The following CA5B variants were observed in gnomAD, a reference collection of about 807,000 sequenced individuals.
CA5B encodes the protein carbonic anhydrase 5B, also known as carbonic anhydrase 5B, mitochondrial.
Under a neutral mutation model 23.1 loss-of-function variants are expected in CA5B, and 15 were observed. That is an observed-to-expected ratio of 0.65 (90% confidence interval 0.43 to 1.00). The LOEUF (loss-of-function observed/expected upper bound fraction) is 1.00, where lower values mean the gene tolerates loss of function less well. Ranked by LOEUF, CA5B falls within the 50% of genes least tolerant of loss-of-function variation. CA5B has a pLI of 0.00. For synonymous variants in CA5B, 84 were observed against 98.5 expected, an observed-to-expected ratio of 0.85 and a Z score of 0.87; for missense variants, 236 against 252.2, an observed-to-expected ratio of 0.94 and a Z score of 0.43.
In CA5B at chrX:15,783,368, G is replaced by A. The variant is rs950317482; in HGVS notation, c.*704G>A. 8 of 112,417 alleles carry A rather than the reference G, an allele frequency of 7.1e-5. No homozygotes were observed. The highest frequency in any genetic ancestry group is 2.6e-4 in the African/African-American group (8 of 30,942). 9.3% of individuals were successfully genotyped at this position (112,417 alleles called of 1,213,427 possible). ...TGCTTACTTACTATCAGTTTATGAT[G>A]TAGAAAATATATTTTGTAATTATAA... On this transcript the variant is annotated 3_prime_UTR_variant, in exon 8 of 8. Coordinates refer to ENST00000318636, the MANE Select transcript of CA5B (RefSeq NM_007220.4).
chrX:15,750,017 G>C lies in CA5B; in HGVS notation c.-7G>C. 8.3e-7 allele frequency: 1 copy of C among 1,208,649 alleles called. No homozygotes were observed. Among genetic ancestry groups the C allele is most frequent in the Non-Finnish European group, 1.1e-6 (1 of 893,984 alleles). On this transcript the variant is annotated 5_prime_UTR_variant, in exon 2 of 8. Coordinates refer to ENST00000318636, the MANE Select transcript of CA5B (RefSeq NM_007220.4). Reference sequence around the variant, plus strand: ...AACTGGGAACTGATCAAGATTTCAAGCTAAAGATGGTGGTGATGAACAGCC... The same window carrying C: ...AACTGGGAACTGATCAAGATTTCAACCTAAAGATGGTGGTGATGAACAGCC...
At chrX:15,752,680 G>C (rs924214987) in intron 2 of CA5B, among the ~76,000 whole-genome samples, 21 of 109,481 alleles carry the variant, frequency 1.9e-4, no homozygotes, top group East Asian at 2.9e-4. Context: ...AGCCGAGATC[G>C]CGCCACTGCA....
intron 2 of CA5B, among the ~76,000 whole-genome samples, chrX:15,756,555 T>C (rs1432461519): frequency 8.9e-6 from 1 of 112,270 alleles, no homozygotes; most frequent in Non-Finnish European, 1.9e-5. Flanking sequence ...GAGATAAGAC[T>C]TGAACTGGAA....
rs1931877061 is a variant in CA5B, at chrX:15,774,306, A to G, written c.464A>G (p.His155Arg). 1 of 1,209,247 alleles carries G rather than the reference A, an allele frequency of 8.3e-7. No individual in the cohort carries two copies. The highest frequency in any genetic ancestry group is 1.1e-6 in the Non-Finnish European group (1 of 894,449). The change falls in exon 5 of 8, where the codon CAC (histidine) becomes CGC (arginine). Residue 155 changes from histidine to arginine, a missense_variant. Transcript: ENST00000318636. Reference sequence around the variant, plus strand: ...CCTCTTTTCATGGTGTTTCAGCTGCACTTAGTGCATTGGAACGCAGTCAGA... The same window carrying G: ...CCTCTTTTCATGGTGTTTCAGCTGCGCTTAGTGCATTGGAACGCAGTCAGA... The part of the protein sequence containing the change: ...VDSKCFPAEL[H>R]LVHWNAVRFE...
rs180986616 is a variant in CA5B, at chrX:15,743,378, C to T, written c.-54+5026C>T. Among the ~76,000 whole-genome samples, 11 of 112,489 alleles carry T rather than the reference C, an allele frequency of 9.8e-5. No individual in the cohort carries two copies. In the East Asian group the frequency reaches 3.0e-3, roughly 31 times the overall value. ...ACTAGACATATTCAAATTGTCTCTA[C>T]AACTGACTTGTTTATTACATTTGTT... On this transcript the variant is annotated intron_variant, in intron 1 of 7. Coordinates refer to ENST00000318636, the MANE Select transcript of CA5B (RefSeq NM_007220.4).
At chrX:15,769,975 AT>A (rs1445764588) in intron 3 of CA5B, among the ~76,000 whole-genome samples, 1 of 111,879 alleles carries the variant, frequency 8.9e-6, no homozygotes, top group African/African-American at 3.2e-5. Context: ...TTGTTATGTA[AT>A]TTTTTTAGAA....
At position 15,760,295 on chromosome X, in the gene CA5B, T is replaced by G. The variant is rs375695541; in HGVS notation, c.143-4283T>G. 4.5e-5 allele frequency among the ~76,000 whole-genome samples: 5 copies of G among 111,064 alleles called. No individual in the cohort carries two copies. In the East Asian group the frequency reaches 1.1e-3, roughly 25 times the overall value. Reference sequence around the variant, plus strand: ...AGAGAACAAAAGTGTCAGTTTATCTTTAGCAAAACAAACCCTTGGCAAAAA... The same window carrying G: ...AGAGAACAAAAGTGTCAGTTTATCTGTAGCAAAACAAACCCTTGGCAAAAA... On this transcript the variant is annotated intron_variant, in intron 2 of 7. Coordinates refer to ENST00000318636, the MANE Select transcript of CA5B (RefSeq NM_007220.4).
chrX:15,738,966 C>T (rs185949987), intron 1 of CA5B, among the ~76,000 whole-genome samples: 63 of 112,049 alleles, frequency 5.6e-4, no homozygotes, highest in Non-Finnish European at 1.1e-3. Flanking sequence ...GTTCTTTCTT[C>T]TGGCCTTTTT....
At position 15,782,572 on chromosome X, in the gene CA5B, A is replaced by C. The variant is rs1238046398; in HGVS notation, c.862A>C (p.Met288Leu). Residue 288 changes from methionine to leucine, a missense_variant, in exon 8 of 8, where the codon ATG becomes CTG. Met to Leu is a conservative substitution (Grantham distance 15). Around this residue, in one of 3 missense-constraint regions of CA5B, gnomAD observed 170 missense variants for 162.0 expected, o/e 1.05. Transcript: ENST00000318636. ...VDNFRPLQPLMNRTVRSSFRH... is the reference protein window; with the variant it reads ...VDNFRPLQPLLNRTVRSSFRH... Reference sequence around the variant, plus strand: ...CAACTTCCGCCCCCTTCAGCCACTGATGAATCGCACTGTTCGTTCATCCTT... The same window carrying C: ...CAACTTCCGCCCCCTTCAGCCACTGCTGAATCGCACTGTTCGTTCATCCTT... The C allele has an allele frequency of 5.8e-6, 7 of 1,208,738 alleles. No individual in the cohort carries two copies. Among genetic ancestry groups the C allele is most frequent in the Non-Finnish European group, 7.8e-6 (7 of 894,239 alleles).
intron 4 of CA5B, among the ~76,000 whole-genome samples, chrX:15,773,804 T>C (rs977784495): frequency 2.7e-5 from 3 of 111,692 alleles, no homozygotes; most frequent in Middle Eastern, 4.6e-3. Flanking sequence ...TTCTCCCACC[T>C]TGACCTCCCA....
At chrX:15,774,209 A>G (rs1931874641) in intron 4 of CA5B, 93 bp from the exon 5 acceptor site, 2 of 845,238 alleles carry the variant, frequency 2.4e-6, no homozygotes, top group Non-Finnish European at 3.2e-6. Flanking sequence ...GTGAGGAAAC[A>G]TGTTTAAATG....
intron 1 of CA5B, among the ~76,000 whole-genome samples, chrX:15,745,466 T>A (rs1444157294): frequency 8.9e-6 from 1 of 112,662 alleles, no homozygotes; most frequent in Admixed American, 9.4e-5. Flanking sequence ...TTAATGCCAC[T>A]GAATTTGTAC....
At chrX:15,738,768 G>C (rs1226940558) in intron 1 of CA5B, among the ~76,000 whole-genome samples, 1 of 110,922 alleles carries the variant, frequency 9.0e-6, no homozygotes, top group Non-Finnish European at 1.9e-5. Context: ...GGGTAAGGGC[G>C]ACAAATCTGA....
At chrX:15,760,959 T>C (rs1217057869) in intron 2 of CA5B, among the ~76,000 whole-genome samples, 1 of 111,845 alleles carries the variant, frequency 8.9e-6, no homozygotes, top group Non-Finnish European at 1.9e-5. Flanking sequence ...AAAAGAGATG[T>C]TTATTCATGA....
intron 5 of CA5B, among the ~76,000 whole-genome samples, chrX:15,774,994 G>T (rs914614182): frequency 2.7e-5 from 3 of 112,851 alleles, no homozygotes; most frequent in Admixed American, 9.3e-5. Context: ...TTCAATTTAA[G>T]AACTTAAATG....
At chrX:15,751,084 A>G (rs1422020862) in intron 2 of CA5B, among the ~76,000 whole-genome samples, 1 of 112,325 alleles carries the variant, frequency 8.9e-6, no homozygotes, top group Non-Finnish European at 1.9e-5. Context: ...TGAACAGATA[A>G]CTTTGAGTTA....
At chrX:15,757,900 G>C (rs1309711187) in intron 2 of CA5B, among the ~76,000 whole-genome samples, 1 of 110,929 alleles carries the variant, frequency 9.0e-6, no homozygotes, top group African/African-American at 3.3e-5. Flanking sequence ...GAACATAGAA[G>C]TTACAACTTG....
intron 5 of CA5B, 39 bp downstream of exon 5, chrX:15,774,436 C>G (rs773360516): frequency 3.6e-4 from 308 of 867,157 alleles, no homozygotes; most frequent in Non-Finnish European, 4.8e-4. Flanking sequence ...GTGTTGTATT[C>G]TAGGATGAAA....
intron 3 of CA5B, chrX:15,767,036 A>C: frequency 1.2e-6 from 1 of 833,491 alleles, no homozygotes; most frequent in Non-Finnish European, 1.6e-6. Context: ...GGTGAGCTCT[A>C]CTTGTCCCCC....
Sources: gnomAD v4.1 joint callset for allele counts (sites outside exome capture counted in the v4.1 genomes callset) on GRCh38, gnomAD v4.1.1 for gene constraint, gnomAD v4.1.1 regional missense constraint, MANE v1.5 for transcripts, NCBI Gene and HGNC (gene_info 2026-07-23, HGNC 2026-07-21) for gene names.